MYBL1: variants seen among roughly 807,000 people sequenced by gnomAD.
MYBL1 encodes the protein MYB proto-oncogene like 1, also known as myb-related protein A.
In MYBL1, 17 loss-of-function variants were observed where a neutral mutation model predicts 96.3. The ratio of observed to expected loss-of-function variants is 0.18; its 90% confidence interval spans 0.12 to 0.26. MYBL1 has a LOEUF of 0.26. MYBL1 is among the 10% of genes least tolerant of loss of function. The pLI is 1.00. For missense variants in MYBL1, 701 were observed against 882.9 expected, an observed-to-expected ratio of 0.79 and a Z score of 2.61; for synonymous variants, 282 against 292.7, an observed-to-expected ratio of 0.96 and a Z score of 0.37.
chr8:66,564,842 AAT>A lies in MYBL1; in HGVS notation c.2131-19_2131-18del. ...ACAATTTGACTAGAAAGGAAATATT[AAT>A]AGTGACATGAAAATTATTAAAATAG... On this transcript the variant is annotated intron_variant, in intron 15 of 15. Transcript: ENST00000522677. 6.6e-7 allele frequency: 1 copy of A among 1,526,258 alleles called. No homozygotes were observed. The allele number at this position is 1,526,258 out of a possible 1,614,324, so 94.5% of individuals were successfully genotyped here.
In MYBL1 at chr8:66,602,519, C is replaced by A. The variant is rs553519906; in HGVS notation, c.25G>T (p.Asp9Tyr). 2 of 1,582,808 alleles carry A rather than the reference C, an allele frequency of 1.3e-6. No individual in the cohort carries two copies. The highest frequency in any genetic ancestry group is 1.4e-5 in the African/African-American group (1 of 73,116). ...GCATACTGAAGGTCATCATCCTCAT[C>A]CTCACTACAAAAAAAACACAATTTG... The part of the protein sequence containing the change: MAKRSRSE[D>Y]EDDDLQYADH... Residue 9 changes from aspartate to tyrosine, a missense_variant, in exon 2 of 16, where the codon GAT becomes TAT. Physicochemically the swap from Asp to Tyr is radical, Grantham distance 160 (BLOSUM62 -3). Around this residue, in one of 5 missense-constraint regions of MYBL1, gnomAD observed 68 missense variants for 93.8 expected, o/e 0.72. Coordinates refer to ENST00000522677, the MANE Select transcript of MYBL1 (RefSeq NM_001080416.4).
chr8:66,611,230 A>G (rs990704722), intron 1 of MYBL1, among the ~76,000 whole-genome samples: 8 of 152,250 alleles, frequency 5.3e-5, no homozygotes, highest in Non-Finnish European at 8.8e-5. Context: ...ATTAACATCA[A>G]TACTGATAAG....
At chr8:66,592,024 GGGAGGCCAA>G (rs1426852987) in intron 8 of MYBL1, among the ~76,000 whole-genome samples, 2 of 152,026 alleles carry the variant, frequency 1.3e-5, no homozygotes, top group African/African-American at 2.4e-5. Context: ...CCAGCACTTT[GGGAGGCCAA>G]GGCAGGAGAA....
intron 1 of MYBL1, among the ~76,000 whole-genome samples, chr8:66,610,398 G>T (rs969379408): frequency 6.7e-6 from 1 of 150,200 alleles, no homozygotes; most frequent in Non-Finnish European, 1.5e-5. Flanking sequence ...CTACTCTTAG[G>T]TTTTTTTGGG....
At position 66,593,158 on chromosome 8, in the gene MYBL1, A is replaced by G; in HGVS notation, c.724T>C (p.Cys242Arg). 6.3e-7 allele frequency: 1 copy of G among 1,589,832 alleles called. No individual in the cohort carries two copies. Among genetic ancestry groups the G allele is most frequent in the Non-Finnish European group, 8.6e-7 (1 of 1,166,082 alleles). ...GAAGTAGGCTGAACATGTTCTATAC[A>G]ATTGCCTTCAGGTGACACATACTGA... The part of the protein sequence containing the change: ...GYQYVSPEGN[C>R]IEHVQPTSAF... The change falls in exon 7 of 16, where the codon TGT (cysteine) becomes CGT (arginine). Residue 242 changes from cysteine (C) to arginine (R), a missense_variant. Cys to Arg is a radical substitution (Grantham distance 180). Transcript: ENST00000522677.
chr8:66,602,528 A>G lies in MYBL1; in HGVS notation c.21-5T>C. 6.5e-7 allele frequency: 1 copy of G among 1,531,972 alleles called. No homozygotes were observed. Among genetic ancestry groups the G allele is most frequent in the Non-Finnish European group, 8.8e-7 (1 of 1,132,504 alleles). 94.9% of individuals were successfully genotyped at this position (1,531,972 alleles called of 1,614,324 possible). On this transcript the variant is annotated splice_region_variant and splice_polypyrimidine_tract_variant and intron_variant, in intron 1 of 15. Coordinates refer to ENST00000522677, the MANE Select transcript of MYBL1 (RefSeq NM_001080416.4). ...AGGTCATCATCCTCATCCTCACTAC[A>G]AAAAAAACACAATTTGTGATATCAA... is the stretch of plus-strand genomic sequence containing the variant.
intron 1 of MYBL1, among the ~76,000 whole-genome samples, chr8:66,604,244 A>T (rs996545931): frequency 6.6e-6 from 1 of 152,112 alleles, no homozygotes; most frequent in Admixed American, 6.6e-5. Flanking sequence ...TAAAATTAAG[A>T]TGGGCTGGGC....
chr8:66,606,371 T>C (rs1810312391), intron 1 of MYBL1, among the ~76,000 whole-genome samples: 1 of 152,240 alleles, frequency 6.6e-6, no homozygotes, highest in Non-Finnish European at 1.5e-5. Flanking sequence ...CACCTAATAG[T>C]ATTCAAAATT....
At chr8:66,565,174 TAA>T (rs1330013431) in intron 15 of MYBL1, 1 of 153,752 alleles carries the variant, frequency 6.5e-6, no homozygotes, top group African/African-American at 2.4e-5. Flanking sequence ...GCAAAAGATT[TAA>T]AGAGAGGATG....
intron 8 of MYBL1, among the ~76,000 whole-genome samples, chr8:66,585,495 C>A (rs984502494): frequency 6.6e-6 from 1 of 152,152 alleles, no homozygotes; most frequent in African/African-American, 2.4e-5. Flanking sequence ...AATCCCAGCA[C>A]TTTGGGAGGC....
intron 12 of MYBL1, among the ~76,000 whole-genome samples, chr8:66,571,148 T>C (rs1808712569): frequency 6.6e-6 from 1 of 152,216 alleles, no homozygotes; most frequent in African/African-American, 2.4e-5. Context: ...TTAAAAATCG[T>C]ATTTCTAAAG....
chr8:66,600,434 A>G (rs1810023619), intron 3 of MYBL1, among the ~76,000 whole-genome samples: 2 of 152,244 alleles, frequency 1.3e-5, no homozygotes, highest in Non-Finnish European at 2.9e-5. Flanking sequence ...CTTCAAAATA[A>G]TCAGGTTGCT....
chr8:66,586,520 A>C (rs914812170), intron 8 of MYBL1, among the ~76,000 whole-genome samples: 2 of 152,238 alleles, frequency 1.3e-5, no homozygotes, highest in African/African-American at 4.8e-5. Context: ...ATTATCAAAA[A>C]GACAAAAAAT....
chr8:66,572,085 G>GGCC (rs1808755396), intron 12 of MYBL1, among the ~76,000 whole-genome samples: 1 of 151,560 alleles, frequency 6.6e-6, no homozygotes. Flanking sequence ...GAGGTGGGGG[G>GGCC]GAGGGGGGTG....
At chr8:66,610,861 C>T (rs1000091248) in intron 1 of MYBL1, among the ~76,000 whole-genome samples, 4 of 151,992 alleles carry the variant, frequency 2.6e-5, no homozygotes, top group African/African-American at 9.7e-5. Context: ...CTGTATACTC[C>T]CAGGGAGAGT....
intron 5 of MYBL1, 36 bp from the exon 6 acceptor site, chr8:66,595,793 G>A: frequency 7.4e-7 from 1 of 1,350,786 alleles, no homozygotes; most frequent in Non-Finnish European, 9.8e-7. Flanking sequence ...AAAGAAAAAA[G>A]GATTCCACAG....
intron 1 of MYBL1, among the ~76,000 whole-genome samples, chr8:66,607,141 A>C (rs7013398): frequency 0.24 from 35,637 of 151,644 alleles, 4,567 homozygotes; most frequent in South Asian, 0.31. Context: ...AAAAAAAAAA[A>C]AAAAAAAAAC....
At chr8:66,576,749 G>T (rs1196428940) in intron 9 of MYBL1, among the ~76,000 whole-genome samples, 1 of 152,132 alleles carries the variant, frequency 6.6e-6, no homozygotes, top group African/African-American at 2.4e-5. Flanking sequence ...AATGTGTATG[G>T]AACGTGTTAA....
intron 12 of MYBL1, among the ~76,000 whole-genome samples, chr8:66,571,586 A>G (rs577230388): frequency 6.6e-6 from 1 of 152,194 alleles, no homozygotes; most frequent in East Asian, 1.9e-4. Context: ...TTTCAGTATT[A>G]AGAAAAGTGT....
Sources: gnomAD v4.1 joint callset for allele counts (sites outside exome capture counted in the v4.1 genomes callset) on GRCh38, gnomAD v4.1.1 for gene constraint, gnomAD v4.1.1 regional missense constraint, MANE v1.5 for transcripts, NCBI Gene and HGNC (gene_info 2026-07-23, HGNC 2026-07-21) for gene names.